The following TULP4 variants were observed in gnomAD, a reference collection of about 807,000 sequenced individuals.
TULP4 encodes the protein tubby-related protein 4.
A neutral mutation model predicts 129.0 loss-of-function variants in TULP4; 16 were observed. That is an observed-to-expected ratio of 0.12 (90% CI 0.08 to 0.19). TULP4 has a LOEUF of 0.19. TULP4 is among the 10% of genes least tolerant of loss of function. The pLI is 1.00. For missense variants in TULP4, 1,842 were observed against 2,059.1 expected, an observed-to-expected ratio of 0.89 and a Z score of 2.04; for synonymous variants, 998 against 854.0, an observed-to-expected ratio of 1.17 and a Z score of -2.94.
intron 1 of TULP4, among the ~76,000 whole-genome samples, chr6:158,321,537 C>T (rs148810644): frequency 3.9e-5 from 6 of 152,248 alleles, no homozygotes; most frequent in African/African-American, 7.2e-5. Flanking sequence ...CATTTCCCCC[C>T]GCCCCTTGAA....
rs1261135436 is a variant in TULP4 at position 158,481,298 on chromosome 6, C to G, written c.1486+9C>G. On this transcript the variant is annotated intron_variant, in intron 8 of 13. Transcript: ENST00000367097. ...GACAGATAGCAAACCAGGTGGGCCCCTCACCCGAGGGACTGGGACCTTGTT... is the reference window on the plus strand; with the variant it reads ...GACAGATAGCAAACCAGGTGGGCCCGTCACCCGAGGGACTGGGACCTTGTT... The G allele has an allele frequency of 1.9e-6, 3 of 1,609,450 alleles. No individual in the cohort carries two copies. The highest frequency in any genetic ancestry group is 2.5e-6 in the Non-Finnish European group (3 of 1,177,768).
chr6:158,486,511 C>T (rs1168893912), intron 8 of TULP4, among the ~76,000 whole-genome samples: 1 of 152,066 alleles, frequency 6.6e-6, no homozygotes, highest in African/African-American at 2.4e-5. Context: ...CGAGATCGCG[C>T]CACTGCACTC....
intron 1 of TULP4, among the ~76,000 whole-genome samples, chr6:158,254,370 T>C (rs909168449): frequency 6.6e-6 from 1 of 152,144 alleles, no homozygotes; most frequent in East Asian, 1.9e-4. Context: ...CTCAAACTCC[T>C]GACCTCAAGT....
intron 1 of TULP4, among the ~76,000 whole-genome samples, chr6:158,244,225 A>G (rs1777983327): frequency 6.6e-6 from 1 of 152,180 alleles, no homozygotes; most frequent in African/African-American, 2.4e-5. Flanking sequence ...GCTTTACGAT[A>G]TGATGAGATG....
At chr6:158,376,348 G>A (rs1583812865) in intron 1 of TULP4, among the ~76,000 whole-genome samples, 1 of 152,142 alleles carries the variant, frequency 6.6e-6, no homozygotes, top group South Asian at 2.1e-4. Flanking sequence ...CCCATGTCTG[G>A]TGCCTACACT....
chr6:158,344,204 A>G (rs553709571), intron 1 of TULP4, among the ~76,000 whole-genome samples: 88 of 152,238 alleles, frequency 5.8e-4, no homozygotes, highest in African/African-American at 2.1e-3. Context: ...CACCTATCCC[A>G]AAACCTATAA....
In TULP4 at chr6:158,503,484, A is replaced by G. The variant is rs769177968; in HGVS notation, c.3821A>G (p.Asn1274Ser). Reference sequence around the variant, plus strand: ...TACAGCGCCTGCCCGCCCATGCAGAACCCCCAGGGCACTCTCCCCCCAAAG... The same window carrying G: ...TACAGCGCCTGCCCGCCCATGCAGAGCCCCCAGGGCACTCTCCCCCCAAAG... ...SSYSACPPMQ[N>S]PQGTLPPKPH... The change falls in exon 13 of 14, where the codon AAC (asparagine) becomes AGC (serine). Residue 1274 changes from asparagine (N) to serine (S), a missense_variant. This residue lies in a region of TULP4 where 1,089 missense variants were observed against 987.1 expected (regional missense o/e 1.10). Coordinates refer to ENST00000367097, the MANE Select transcript of TULP4 (RefSeq NM_020245.5). The surrounding 1 kb of genome is among the most constrained non-coding windows in gnomAD (Gnocchi z 4.3). 1 of 1,613,518 alleles carries G rather than the reference A, an allele frequency of 6.2e-7. No individual in the cohort carries two copies. The highest frequency in any genetic ancestry group is 8.5e-7 in the Non-Finnish European group (1 of 1,179,920).
chr6:158,322,740 C>T (rs537508684), intron 1 of TULP4, among the ~76,000 whole-genome samples: 47 of 152,192 alleles, frequency 3.1e-4, no homozygotes, highest in African/African-American at 1.1e-3. Context: ...CCAGGTGCTG[C>T]GTGTATTTGC....
At chr6:158,441,001 A>G (rs1778883155) in intron 3 of TULP4, among the ~76,000 whole-genome samples, 1 of 152,188 alleles carries the variant, frequency 6.6e-6, no homozygotes, top group South Asian at 2.1e-4. Flanking sequence ...AAAATACGCT[A>G]AATAAAAATC....
At chr6:158,380,881 A>G in intron 1 of TULP4, among the ~76,000 whole-genome samples, 1 of 109,926 alleles carries the variant, frequency 9.1e-6, no homozygotes. Flanking sequence ...GCGACAGAGC[A>G]AGACTCTGTC....
intron 1 of TULP4, among the ~76,000 whole-genome samples, chr6:158,266,957 C>T (rs569372593): frequency 7.5e-4 from 114 of 152,348 alleles, no homozygotes; most frequent in African/African-American, 2.6e-3. Context: ...GCCCATCAAA[C>T]ACTTCCCTTT....
upstream of TULP4, among the ~76,000 whole-genome samples, chr6:158,280,453 T>A (rs1454728926): frequency 6.6e-6 from 1 of 152,282 alleles, no homozygotes; most frequent in African/African-American, 2.4e-5. Flanking sequence ...ATATAGATTT[T>A]ATTTTTGTTG....
Position 158,429,946 on chromosome 6 carries a change from C to T in TULP4, c.543+49C>T, listed in dbSNP as rs1413701789. 6 of 1,555,554 alleles carry T rather than the reference C, an allele frequency of 3.9e-6. No individual in the cohort carries two copies. The African/African-American group carries it at 4.1e-5, about 11-fold the overall frequency. ...GTGTGTGACGTTAAAACCATGAGGG[C>T]TGGGAGGGAAGAAAGGGGCAGGAGA... On this transcript the variant is annotated intron_variant, in intron 3 of 13. Transcript: ENST00000367097.
rs377541829 is a variant in TULP4 at position 158,467,194 on chromosome 6, C to T, written c.1026+5465C>T. ...TACCTCCTAGATATCTTCATGTCTACATCCTTTTGTCTTCCTTGGCCACCA... is the reference window on the plus strand; with the variant it reads ...TACCTCCTAGATATCTTCATGTCTATATCCTTTTGTCTTCCTTGGCCACCA... On this transcript the variant is annotated intron_variant, in intron 6 of 13. Coordinates refer to ENST00000367097, the MANE Select transcript of TULP4 (RefSeq NM_020245.5). Among the ~76,000 whole-genome samples, 59 of 152,148 alleles carry T rather than the reference C, an allele frequency of 3.9e-4. 1 individual carries two copies. In the South Asian group the frequency reaches 0.012, roughly 30 times the overall value.
intron 1 of TULP4, chr6:158,237,834 A>G (rs1777746990): frequency 4.0e-6 from 3 of 759,344 alleles, no homozygotes; most frequent in Non-Finnish European, 7.4e-6. Flanking sequence ...AATGTTTACT[A>G]AGAGCTGTGC....
chr6:158,283,382 TG>T (rs1778790766), intron 1 of TULP4, among the ~76,000 whole-genome samples: 1 of 152,210 alleles, frequency 6.6e-6, no homozygotes, highest in Non-Finnish European at 1.5e-5. Flanking sequence ...AAGCCCCTGG[TG>T]GTAGTTCACT....
At chr6:158,395,673 G>C (rs571834354) in intron 1 of TULP4, among the ~76,000 whole-genome samples, 1 of 131,980 alleles carries the variant, frequency 7.6e-6, no homozygotes, top group Non-Finnish European at 1.6e-5. Flanking sequence ...ATGGGCGGGG[G>C]GGGGGTCATG....
intron 1 of TULP4, among the ~76,000 whole-genome samples, chr6:158,347,864 A>G (rs1780348249): frequency 6.6e-6 from 1 of 151,950 alleles, no homozygotes; most frequent in Non-Finnish European, 1.5e-5. Context: ...GGATTATTTT[A>G]CTTCTTTGAT....
In TULP4 at chr6:158,385,842, C is replaced by CTTTTTTTTTTTTTTTTT. The variant is rs778595442; in HGVS notation, c.253-27219_253-27203dup. On this transcript the variant is annotated intron_variant, in intron 1 of 13. Coordinates refer to ENST00000367097, the MANE Select transcript of TULP4 (RefSeq NM_020245.5). ...GGAAAAGTCTACAAATGTGGAATAT[C>CTTTTTTTTTTTTTTTTT]TTTTTTTTTTTTTTTTTTTTGAGAA... Among the ~76,000 whole-genome samples, 378 of 59,564 alleles carry CTTTTTTTTTTTTTTTTT rather than the reference C, an allele frequency of 6.3e-3. 101 individuals carry two copies. The highest frequency in any genetic ancestry group is 0.02 in the African/African-American group (277 of 13,864). 39.1% of individuals were successfully genotyped at this position (59,564 alleles called of 152,430 possible). A position where few individuals can be genotyped will look rare whatever the true frequency, so the allele number is the denominator to read the frequency against.
Sources: allele counts gnomAD v4.1 joint callset (sites outside exome capture counted in the v4.1 genomes callset), GRCh38; gene constraint gnomAD v4.1.1; regional missense constraint gnomAD v4.1.1; non-coding constraint Gnocchi (gnomAD v3.1); transcripts MANE v1.5; gene names NCBI Gene and HGNC (gene_info 2026-07-23, HGNC 2026-07-21).